ACSM2A: variants seen among roughly 807,000 people sequenced by gnomAD.
ACSM2A encodes the protein acyl-coenzyme A synthetase ACSM2A, mitochondrial.
In ACSM2A, 72 loss-of-function variants were observed where a neutral mutation model predicts 76.6. The ratio of observed to expected loss-of-function variants is 0.94; its 90% CI spans 0.78 to 1.14. The LOEUF (loss-of-function observed/expected upper bound fraction) is 1.14, where lower values mean the gene tolerates loss of function less well. Ranked by LOEUF, ACSM2A falls within the 50% of genes most tolerant of loss-of-function variation. ACSM2A has a pLI of 0.00. For missense variants in ACSM2A, 684 were observed against 708.5 expected (o/e 0.97, Z 0.39); for synonymous variants, 249 against 255.9 (o/e 0.97, Z 0.26).
At chr16:20,481,187 A>G (rs2014061804) in intron 12 of ACSM2A, 1 of 483,106 alleles carries the variant, frequency 2.1e-6, no homozygotes. Flanking sequence ...AAAACTAAAC[A>G]GAACTACCAT....
At chr16:20,473,857 T>A (rs9806821) in intron 6 of ACSM2A, 107,818 of 322,288 alleles carry the variant, frequency 0.33, 20,523 homozygotes, top group East Asian at 0.77. Context: ...CTGTTCTGTC[T>A]AAAGCCTAGT....
chr16:20,480,750 C>A, intron 11 of ACSM2A, 50 bp downstream of exon 11: 1 of 1,611,496 alleles, frequency 6.2e-7, no homozygotes, highest in Admixed American at 1.7e-5. Context: ...TTTACTCTGG[C>A]TGGTTCCAGA....
chr16:20,472,040 C>T (rs1019566965), intron 6 of ACSM2A, among the ~76,000 whole-genome samples: 3 of 152,122 alleles, frequency 2.0e-5, no homozygotes, highest in Admixed American at 1.3e-4. Flanking sequence ...GATGCCATCT[C>T]GCTCTCATGA....
chr16:20,465,527 G>T lies in ACSM2A; in HGVS notation c.188G>T (p.Arg63Leu). Residue 63 changes from arginine to leucine, a missense_variant, in exon 3 of 14, where the codon CGA becomes CTA. Physicochemically the swap from Arg to Leu is moderately radical, Grantham distance 102. Coordinates refer to ENST00000573854, the MANE Select transcript of ACSM2A (RefSeq NM_001308172.2). ...CTTCTCTTTCCTCAGGCTGGCAAGC[G>T]ACTCCCAAGCCCAGCCCTGTGGTGG... ...HWADMEKAGK[R>L]LPSPALWWVN... 1 of 1,613,848 alleles carries T rather than the reference G, an allele frequency of 6.2e-7. No individual in the cohort carries two copies. The highest frequency in any genetic ancestry group is 1.7e-4 in the Middle Eastern group (1 of 6,054).
chr16:20,486,122 T>C (rs570449449), intron 13 of ACSM2A, among the ~76,000 whole-genome samples: 1 of 152,370 alleles, frequency 6.6e-6, no homozygotes, highest in Non-Finnish European at 1.5e-5. Flanking sequence ...TATTTTTCAG[T>C]GGTTACTCCA....
rs559232069 is a variant in ACSM2A at position 20,485,535 on chromosome 16, C to A, written c.1630-1039C>A. 1.2e-4 allele frequency among the ~76,000 whole-genome samples: 19 copies of A among 152,320 alleles called. 1 individual carries two copies. In the South Asian group the frequency reaches 3.9e-3, roughly 32 times the overall value. On this transcript the variant is annotated intron_variant, in intron 13 of 13. Coordinates refer to ENST00000573854, the MANE Select transcript of ACSM2A (RefSeq NM_001308172.2). ...GGCTATGTGGTCTTTGTTGCAACTA[C>A]TCAACTTTGCCCATGCAATGCTAAA...
At chr16:20,469,399 T>C (rs1251825323) in intron 3 of ACSM2A, 113 bp from the exon 4 acceptor site, 1 of 1,528,060 alleles carries the variant, frequency 6.5e-7, no homozygotes, top group East Asian at 2.3e-5. Context: ...TATTGGTCAT[T>C]ACTTCCTCAT....
chr16:20,466,140 T>C (rs2141709897), intron 3 of ACSM2A, among the ~76,000 whole-genome samples: 1 of 146,738 alleles, frequency 6.8e-6, no homozygotes, highest in East Asian at 1.9e-4. Context: ...CACAGTATTA[T>C]ATGTGGCTGC....
At chr16:20,464,073 C>G (rs1444078460) in intron 2 of ACSM2A, among the ~76,000 whole-genome samples, 9 of 152,152 alleles carry the variant, frequency 5.9e-5, no homozygotes, top group Non-Finnish European at 7.3e-5. Flanking sequence ...GCTTCAGTTC[C>G]CGAAAAGTTC....
In ACSM2A at chr16:20,483,096, G is replaced by A. The variant is rs141489749; in HGVS notation, c.1548G>A (p.Leu516=). 1.5e-4 allele frequency: 245 copies of A among 1,613,874 alleles called. No homozygotes were observed. The highest frequency in any genetic ancestry group is 1.8e-4 in the Admixed American group (11 of 59,986). The change falls in exon 13 of 14, where the codon CTG becomes CTA. Residue 516 remains leucine, a synonymous_variant. Transcript: ENST00000573854. ...TTGTGGTCCTGGCCTCGCAGTTCCT[G>A]TCCCATGACCCAGAACAGCTCACCA... ...KAFVVLASQF[L]SHDPEQLTKE...
intron 6 of ACSM2A, among the ~76,000 whole-genome samples, chr16:20,472,779 T>A (rs1488337754): frequency 6.6e-6 from 1 of 152,212 alleles, no homozygotes; most frequent in African/African-American, 2.4e-5. Context: ...AAATATTCTC[T>A]GTGAGATTAG....
intron 1 of ACSM2A, among the ~76,000 whole-genome samples, chr16:20,457,492 A>C (rs1398454363): frequency 6.6e-6 from 1 of 152,156 alleles, no homozygotes; most frequent in African/African-American, 2.4e-5. Context: ...CATACCAGGG[A>C]TGCAGGAATG....
At chr16:20,459,865 A>T (rs1036818715) in intron 1 of ACSM2A, among the ~76,000 whole-genome samples, 2 of 152,262 alleles carry the variant, frequency 1.3e-5, no homozygotes, top group African/African-American at 4.8e-5. Context: ...GCGTTCACAA[A>T]ACTGTCAGAA....
At chr16:20,459,085 A>T (rs2012442002) in intron 1 of ACSM2A, among the ~76,000 whole-genome samples, 1 of 151,570 alleles carries the variant, frequency 6.6e-6, no homozygotes, top group Admixed American at 6.6e-5. Context: ...CATAAGTGGG[A>T]GCTAGGGTAT....
rs1206252120 is a variant in ACSM2A, at chr16:20,451,578, G to GT, written c.-110dup. 1 of 152,102 alleles carries GT rather than the reference G, an allele frequency of 6.6e-6. No homozygotes were observed. Among genetic ancestry groups the GT allele is most frequent in the East Asian group, 1.9e-4 (1 of 5,140 alleles). 9.4% of individuals were successfully genotyped at this position (152,102 alleles called of 1,614,324 possible). A position where few individuals can be genotyped will look rare whatever the true frequency, so the allele number is the denominator to read the frequency against. ...AGGGATTCTGAAGCTGTCTGCTTGA[G>GT]TTACTGTGCTCTCTTCCAAGGCTGT... On this transcript the variant is annotated 5_prime_UTR_variant, in exon 1 of 14. Coordinates refer to ENST00000573854, the MANE Select transcript of ACSM2A (RefSeq NM_001308172.2).
At chr16:20,475,973 A>G in intron 8 of ACSM2A, 200 bp downstream of exon 8, 3 of 1,312,268 alleles carry the variant, frequency 2.3e-6, no homozygotes, top group Non-Finnish European at 3.0e-6. Flanking sequence ...CTGGGAGATT[A>G]CATTCCAGTG....
At chr16:20,483,848 CA>C (rs1161911519) in intron 13 of ACSM2A, among the ~76,000 whole-genome samples, 6 of 152,060 alleles carry the variant, frequency 3.9e-5, no homozygotes, top group Non-Finnish European at 8.8e-5. Context: ...TTGAAAAGTC[CA>C]GGGGTGGGGA....
chr16:20,472,457 G>T (rs932791468), intron 6 of ACSM2A, among the ~76,000 whole-genome samples: 15 of 152,028 alleles, frequency 9.9e-5, no homozygotes, highest in African/African-American at 2.7e-4. Context: ...TCATTACCTT[G>T]CATAATTACC....
At chr16:20,466,132 C>T (rs2012981311) in intron 3 of ACSM2A, among the ~76,000 whole-genome samples, 1 of 151,082 alleles carries the variant, frequency 6.6e-6, no homozygotes, top group African/African-American at 2.4e-5. Context: ...TATTATAACA[C>T]AGTATTATAT....
Sources: allele counts gnomAD v4.1 joint callset (sites outside exome capture counted in the v4.1 genomes callset), GRCh38; gene constraint gnomAD v4.1.1; transcripts MANE v1.5; gene names NCBI Gene and HGNC (gene_info 2026-07-23, HGNC 2026-07-21).